The following BTG4 variants were observed in gnomAD, a reference collection of about 807,000 sequenced individuals.
The protein encoded by BTG4 is BTG anti-proliferation factor 4, also known as protein BTG4.
Under a neutral mutation model 19.3 loss-of-function variants are expected in BTG4, and 10 were observed. The observed-to-expected ratio is 0.52, with a 90% CI of 0.32 to 0.88. The LOEUF is 0.88. Ranked by LOEUF, BTG4 falls within the 40% of genes least tolerant of loss-of-function variation. The pLI is 0.04. For synonymous variants in BTG4, 91 were observed against 95.7 expected (o/e 0.95, Z 0.29); for missense variants, 238 against 281.9 (o/e 0.84, Z 1.11).
chr11:111,454,572 C>G, the BTG4 span, among the ~76,000 whole-genome samples: 1 of 152,184 alleles, frequency 6.6e-6, no homozygotes, highest in Non-Finnish European at 1.5e-5. Flanking sequence ...AAACCTAGGG[C>G]TTCGGACCAG....
chr11:111,444,031 T>C, the BTG4 span, among the ~76,000 whole-genome samples: 3 of 152,268 alleles, frequency 2.0e-5, no homozygotes, highest in Middle Eastern at 0.01. Flanking sequence ...CACATTTGGT[T>C]TAACAGAATT....
At chr11:111,391,346 A>G in the BTG4 span, among the ~76,000 whole-genome samples, 1 of 152,182 alleles carries the variant, frequency 6.6e-6, no homozygotes, top group Admixed American at 6.5e-5. Flanking sequence ...AATTTTTTGT[A>G]GGTTTTGAAA....
intron 5 of BTG4, among the ~76,000 whole-genome samples, chr11:111,488,934 T>C (rs1421105076): frequency 1.3e-5 from 2 of 151,884 alleles, no homozygotes; most frequent in East Asian, 1.9e-4. Flanking sequence ...TCACCTGAGG[T>C]TGGGAGTTCA....
At chr11:111,433,805 C>T in the BTG4 span, among the ~76,000 whole-genome samples, 27 of 152,180 alleles carry the variant, frequency 1.8e-4, no homozygotes, top group African/African-American at 4.3e-4. Flanking sequence ...GAAAAAAATG[C>T]TCATCACTGG....
In BTG4 at chr11:111,497,295, G is replaced by T. The variant is rs1418588441; in HGVS notation, c.426C>A (p.Ser142=). The part of the protein sequence containing the change: ...YAVSRASSDV[S]SGTSCDEESC... Reference sequence around the variant, plus strand: ...TTTCTTCATCGCAGGAAGTGCCAGAGGAAACGTCTGATGAGGCTCTACTAA... The same window carrying T: ...TTTCTTCATCGCAGGAAGTGCCAGATGAAACGTCTGATGAGGCTCTACTAA... Residue 142 remains serine (S), a synonymous_variant, in exon 4 of 5, where the codon TCC becomes TCA. Transcript: ENST00000692032. 3 of 1,610,196 alleles carry T rather than the reference G, an allele frequency of 1.9e-6. No individual in the cohort carries two copies. The highest frequency in any genetic ancestry group is 2.2e-5 in the East Asian group (1 of 44,784).
chr11:111,412,978 C>T, the BTG4 span, among the ~76,000 whole-genome samples: 2 of 152,092 alleles, frequency 1.3e-5, no homozygotes, highest in Admixed American at 6.5e-5. Context: ...TGACACTAGA[C>T]CAGAAGCATT....
chr11:111,499,630 T>G (rs114684098), intron 1 of BTG4, among the ~76,000 whole-genome samples: 3 of 152,230 alleles, frequency 2.0e-5, no homozygotes, highest in African/African-American at 7.2e-5. Context: ...TGATGTCATC[T>G]CTAACTTAGC....
chr11:111,510,642 T>C (rs1429426606), intron 1 of BTG4, among the ~76,000 whole-genome samples: 2 of 152,188 alleles, frequency 1.3e-5, no homozygotes, highest in African/African-American at 4.8e-5. Context: ...GCATTCTTTT[T>C]TTTTTTTCAA....
At chr11:111,508,623 C>T (rs533097170) in intron 1 of BTG4, among the ~76,000 whole-genome samples, 1 of 151,966 alleles carries the variant, frequency 6.6e-6, no homozygotes, top group East Asian at 1.9e-4. Flanking sequence ...TCCATATAGC[C>T]TTCTCTGTGT....
intron 1 of BTG4, among the ~76,000 whole-genome samples, chr11:111,501,379 TA>T (rs370990478): frequency 2.0e-5 from 3 of 151,574 alleles, no homozygotes; most frequent in Non-Finnish European, 4.4e-5. Flanking sequence ...CTCAAAAAAA[TA>T]AAAAAAACCT....
At chr11:111,504,532 C>A (rs1280683470) in intron 1 of BTG4, among the ~76,000 whole-genome samples, 2 of 151,874 alleles carry the variant, frequency 1.3e-5, no homozygotes, top group Non-Finnish European at 1.5e-5. Context: ...GTTTGAAAGA[C>A]CACAAAAAAT....
chr11:111,401,412 A>G, the BTG4 span, among the ~76,000 whole-genome samples: 1 of 151,860 alleles, frequency 6.6e-6, no homozygotes, highest in Non-Finnish European at 1.5e-5. Flanking sequence ...AACCCAGGAG[A>G]CAGAGCTTGC....
chr11:111,405,537 C>CTTTGGCAAGA, the BTG4 span, among the ~76,000 whole-genome samples: 2 of 150,596 alleles, frequency 1.3e-5, no homozygotes, highest in Non-Finnish European at 2.9e-5. Flanking sequence ...ACCAGGCAAG[C>CTTTGGCAAGA]TTTGGCAAGA....
the BTG4 span, among the ~76,000 whole-genome samples, chr11:111,431,072 T>C: frequency 1.1e-3 from 167 of 152,314 alleles, 1 homozygote; most frequent in African/African-American, 3.8e-3. Flanking sequence ...ACGAAAGGGT[T>C]TGATATTCAA....
At chr11:111,490,587 C>A (rs1468217681), downstream of BTG4, among the ~76,000 whole-genome samples, 1 of 152,132 alleles carries the variant, frequency 6.6e-6, no homozygotes, top group Non-Finnish European at 1.5e-5. Context: ...ACAACGCACT[C>A]AATTAGAAAA....
intron 5 of BTG4, among the ~76,000 whole-genome samples, chr11:111,482,024 T>A: frequency 6.6e-6 from 1 of 151,434 alleles, no homozygotes; most frequent in Non-Finnish European, 1.5e-5. Context: ...AAGAAATAAA[T>A]AAAACTATCC....
the BTG4 span, chr11:111,385,577 A>C: frequency 6.6e-6 from 1 of 151,918 alleles, no homozygotes; most frequent in Non-Finnish European, 1.5e-5. Context: ...TGATATAATA[A>C]TAATATATTA....
intron 1 of BTG4, among the ~76,000 whole-genome samples, chr11:111,508,100 G>A (rs145874012): frequency 1.1e-4 from 16 of 152,136 alleles, no homozygotes; most frequent in African/African-American, 3.4e-4. Context: ...ACTTTTCGTC[G>A]AAGTCTGGAA....
intron 5 of BTG4, among the ~76,000 whole-genome samples, chr11:111,470,229 G>A (rs771186534): frequency 6.6e-6 from 1 of 152,078 alleles, no homozygotes; most frequent in Admixed American, 6.6e-5. Context: ...CCAAACAGGT[G>A]CACACCACCA....
Sources: gnomAD v4.1 joint callset for allele counts (sites outside exome capture counted in the v4.1 genomes callset) on GRCh38, gnomAD v4.1.1 for gene constraint, MANE v1.5 for transcripts, NCBI Gene and HGNC (gene_info 2026-07-23, HGNC 2026-07-21) for gene names.